The following RPN1 variants were observed in gnomAD, a reference collection of about 807,000 sequenced individuals.
RPN1 encodes dolichyl-diphosphooligosaccharide--protein glycosyltransferase subunit 1.
In RPN1, 12 loss-of-function variants were observed where a neutral mutation model predicts 55.5. The observed-to-expected ratio is 0.22, with a 90% CI of 0.14 to 0.35. The LOEUF (loss-of-function observed/expected upper bound fraction) is 0.35, where lower values mean the gene tolerates loss of function less well. RPN1 is among the 10% of genes least tolerant of loss of function. The pLI is 1.00. For synonymous variants in RPN1, 317 were observed against 305.9 expected (o/e 1.04, Z -0.38); for missense variants, 679 against 761.3 (o/e 0.89, Z 1.27).
chr3:128,645,007 T>C (rs2069756198), intron 1 of RPN1, 24 bp from the exon 2 acceptor site: 1 of 1,379,398 alleles, frequency 7.2e-7, no homozygotes, highest in East Asian at 2.3e-5. Context: ...AGATAGTTTA[T>C]TATTCATGTC....
At chr3:128,633,943 A>G (rs62270781) in intron 3 of RPN1, among the ~76,000 whole-genome samples, 2,093 of 152,288 alleles carry the variant, frequency 0.014, 25 homozygotes, top group Middle Eastern at 0.024. Flanking sequence ...AGATTGTGCC[A>G]CTGCACTCCA....
intron 8 of RPN1, among the ~76,000 whole-genome samples, chr3:128,624,062 A>G (rs1440009325): frequency 1.3e-5 from 2 of 151,592 alleles, no homozygotes; most frequent in Admixed American, 1.3e-4. Context: ...ATCTCCGACT[A>G]TCTGCACATA....
At chr3:128,629,292 G>C (rs2069624992) in intron 5 of RPN1, among the ~76,000 whole-genome samples, 1 of 152,124 alleles carries the variant, frequency 6.6e-6, no homozygotes, top group African/African-American at 2.4e-5. Flanking sequence ...CGGGCATGGT[G>C]GCTGTCACCT....
In RPN1 at chr3:128,650,610, G is replaced by C. The variant is rs1490026517; in HGVS notation, c.191C>G (p.Ser64Cys). The C allele has an allele frequency of 6.4e-7, 1 of 1,550,522 alleles. No individual in the cohort carries two copies. Among genetic ancestry groups the C allele is most frequent in the African/African-American group, 1.4e-5 (1 of 73,194 alleles). The change falls in exon 1 of 10, where the codon TCC (serine) becomes TGC (cysteine). Residue 64 changes from serine (S) to cysteine (C), a missense_variant. Physicochemically the swap from Ser to Cys is moderately radical, Grantham distance 112. Transcript: ENST00000296255. ...VLAHLGGGST[S>C]RATSFLLALE... ...AGCCAGCAGGAAAGAGGTAGCTCGG[G>C]ACGTGGAGCCGCCGCCCAGGTGCGC...
intron 8 of RPN1, 80 bp from the exon 9 acceptor site, chr3:128,622,489 C>G (rs2069567626): frequency 9.7e-6 from 15 of 1,546,036 alleles, no homozygotes; most frequent in Non-Finnish European, 1.2e-5. Context: ...GAACATCTGC[C>G]ACCAGCAGCC....
In RPN1 at chr3:128,630,049, T is replaced by C; in HGVS notation, c.938A>G (p.Glu313Gly). Residue 313 changes from glutamate to glycine, a missense_variant, in exon 5 of 10, where the codon GAG becomes GGG. Coordinates refer to ENST00000296255, the MANE Select transcript of RPN1 (RefSeq NM_002950.4). ...SHLLILDDSV[E>G]MEIRPRFPLF... is the part of the protein sequence containing the mutation. ...AGGGAAGCGAGGCCGGATTTCCATC[T>C]CTACAGAGTCATCCAAAATAAGGAG... The C allele has an allele frequency of 6.2e-7, 1 of 1,613,568 alleles. No homozygotes were observed. Among genetic ancestry groups the C allele is most frequent in the Non-Finnish European group, 8.5e-7 (1 of 1,179,454 alleles).
chr3:128,624,967 T>C (rs2069588370), intron 8 of RPN1, among the ~76,000 whole-genome samples: 1 of 152,058 alleles, frequency 6.6e-6, no homozygotes, highest in South Asian at 2.1e-4. Context: ...CCCTGGGGCA[T>C]GGAGCCAAGA....
intron 2 of RPN1, among the ~76,000 whole-genome samples, chr3:128,644,081 G>C (rs1300062354): frequency 2.0e-5 from 3 of 152,204 alleles, no homozygotes; most frequent in Admixed American, 1.3e-4. Context: ...GCTTAGGGGT[G>C]AGATATCCAG....
intron 8 of RPN1, among the ~76,000 whole-genome samples, chr3:128,623,534 T>C (rs1227569732): frequency 7.3e-6 from 1 of 136,120 alleles, no homozygotes; most frequent in Admixed American, 7.6e-5. Context: ...TGAGACTCTG[T>C]CTCGAGAAAA....
At chr3:128,631,249 G>A (rs1319616029) in intron 4 of RPN1, among the ~76,000 whole-genome samples, 1 of 152,082 alleles carries the variant, frequency 6.6e-6, no homozygotes, top group African/African-American at 2.4e-5. Context: ...CGAAGTGGGC[G>A]GATCACCTGA....
At chr3:128,628,074 A>G (rs1326452384) in intron 5 of RPN1, among the ~76,000 whole-genome samples, 1 of 152,096 alleles carries the variant, frequency 6.6e-6, no homozygotes, top group African/African-American at 2.4e-5. Flanking sequence ...CCTGGCCAAC[A>G]TAGTGAAACC....
Position 128,632,028 on chromosome 3 carries a change from C to T in RPN1, c.763G>A (p.Ala255Thr). The T allele has an allele frequency of 2.5e-6, 4 of 1,614,184 alleles. No homozygotes were observed. Among genetic ancestry groups the T allele is most frequent in the Non-Finnish European group, 3.4e-6 (4 of 1,180,040 alleles). ...CGTGAGAAAGGCCCCTTAAGCACAGCTCCTGTGTGCTTTAAGTCCACATTT... is the reference window on the plus strand; with the variant it reads ...CGTGAGAAAGGCCCCTTAAGCACAGTTCCTGTGTGCTTTAAGTCCACATTT... ...EENVDLKHTG[A>T]VLKGPFSRYD... The change falls in exon 4 of 10, where the codon GCT becomes ACT. Residue 255 changes from alanine (A) to threonine (T), a missense_variant. Coordinates refer to ENST00000296255, the MANE Select transcript of RPN1 (RefSeq NM_002950.4).
chr3:128,643,563 G>A lies in RPN1; in HGVS notation c.326+1356C>T, dbSNP rs527496832. On this transcript the variant is annotated intron_variant, in intron 2 of 9. Coordinates refer to ENST00000296255, the MANE Select transcript of RPN1 (RefSeq NM_002950.4). Reference sequence around the variant, plus strand: ...TGTAATCCCAGCATTTTGGGAGGCCGAGGCGGCAGATCACCTGAGGTCAGG... The same window carrying A: ...TGTAATCCCAGCATTTTGGGAGGCCAAGGCGGCAGATCACCTGAGGTCAGG... Among the ~76,000 whole-genome samples, 15 of 151,876 alleles carry A rather than the reference G, an allele frequency of 9.9e-5. No homozygotes were observed. In the East Asian group the frequency reaches 2.3e-3, roughly 24 times the overall value.
rs145082624 is a variant in RPN1, at chr3:128,648,960, A to G, written c.261+1580T>C. 4.3e-4 allele frequency among the ~76,000 whole-genome samples: 66 copies of G among 152,342 alleles called. 1 individual carries two copies. Among genetic ancestry groups the G allele is most frequent in the African/African-American group, 1.4e-3 (60 of 41,594 alleles). ...ACAGACTACAGCCTCCTTGCCTGCT[A>G]TATGAGGATTTATACCTTAAATGGT... On this transcript the variant is annotated intron_variant, in intron 1 of 9. Transcript: ENST00000296255.
intron 8 of RPN1, among the ~76,000 whole-genome samples, chr3:128,624,850 C>T (rs1033066976): frequency 6.6e-6 from 1 of 152,076 alleles, no homozygotes; most frequent in Non-Finnish European, 1.5e-5. Flanking sequence ...AAAAAACACA[C>T]GCTGTGCCTG....
intron 4 of RPN1, among the ~76,000 whole-genome samples, chr3:128,630,676 T>C (rs1034251938): frequency 4.6e-5 from 7 of 152,208 alleles, no homozygotes; most frequent in Non-Finnish European, 1.0e-4. Context: ...CAAAAAAGAT[T>C]TAAAAACTGT....
intron 8 of RPN1, among the ~76,000 whole-genome samples, chr3:128,622,707 A>G (rs2069569421): frequency 6.6e-6 from 1 of 152,064 alleles, no homozygotes; most frequent in African/African-American, 2.4e-5. Context: ...AGCCTGACCA[A>G]TATGGTGACA....
At position 128,632,155 on chromosome 3, in the gene RPN1, A is replaced by G. The variant is rs2069647270; in HGVS notation, c.636T>C (p.Asp212=). 4 of 1,614,074 alleles carry G rather than the reference A, an allele frequency of 2.5e-6. No individual in the cohort carries two copies. Among genetic ancestry groups the G allele is most frequent in the Non-Finnish European group, 3.4e-6 (4 of 1,180,016 alleles). Residue 212 remains aspartate, a splice_region_variant and synonymous_variant, in exon 4 of 10, where the codon GAT becomes GAC. Coordinates refer to ENST00000296255, the MANE Select transcript of RPN1 (RefSeq NM_002950.4). ...PFRDVPAYSQ[D]TFKVHYENNS... is the part of the protein sequence containing the mutation. ...TGTTCTCATAATGTACTTTAAAAGT[A>G]TCCTGGAAGGAAGGAAACAAATAGT...
chr3:128,629,466 G>A (rs1210325219), intron 5 of RPN1, among the ~76,000 whole-genome samples: 1 of 152,070 alleles, frequency 6.6e-6, no homozygotes, highest in Non-Finnish European at 1.5e-5. Context: ...GGAGGCTGAG[G>A]CAGGAGAATC....
Sources: gnomAD v4.1 joint callset for allele counts (sites outside exome capture counted in the v4.1 genomes callset) on GRCh38, gnomAD v4.1.1 for gene constraint, MANE v1.5 for transcripts, NCBI Gene and HGNC (gene_info 2026-07-23, HGNC 2026-07-21) for gene names.